The following EPB41L3 variants were observed in gnomAD, a reference collection of about 807,000 sequenced individuals.
The protein encoded by EPB41L3 is band 4.1-like protein 3.
EPB41L3 carries 57 observed loss-of-function variants against 127.1 expected under a neutral mutation model. The observed-to-expected ratio is 0.45, with a 90% CI of 0.36 to 0.56. EPB41L3 has a LOEUF of 0.56. EPB41L3 is among the 20% of genes least tolerant of loss of function. EPB41L3 has a pLI of 0.00. For synonymous variants in EPB41L3, 572 were observed against 549.5 expected (o/e 1.04, Z -0.57); for missense variants, 1,273 against 1,372.2 (o/e 0.93, Z 1.14).
chr18:5,506,358 T>G (rs541712869), intron 1 of EPB41L3, among the ~76,000 whole-genome samples: 5 of 152,300 alleles, frequency 3.3e-5, no homozygotes, highest in African/African-American at 1.2e-4. Context: ...CATCTACTTC[T>G]GTTCCCTTCT....
In EPB41L3 at chr18:5,424,096, A is replaced by C. The variant is rs138542100; in HGVS notation, c.1163+166T>G. 3.8e-4 allele frequency among the ~76,000 whole-genome samples: 58 copies of C among 152,314 alleles called. No homozygotes were observed. The East Asian group carries it at 0.011, about 28-fold the overall frequency. ...TGACAAATTAGGGAAAATCCTTCAA[A>C]TTTAGTCTTTTTCTAGTTCTCTTAG... On this transcript the variant is annotated intron_variant, in intron 10 of 22. Transcript: ENST00000341928.
At chr18:5,401,152 T>A (rs1321791966) in intron 16 of EPB41L3, 1 of 492,830 alleles carries the variant, frequency 2.0e-6, no homozygotes, top group Admixed American at 3.3e-5. Context: ...ATCTATCATC[T>A]CATATATTCT....
At chr18:5,505,705 C>T (rs1568447521) in intron 1 of EPB41L3, among the ~76,000 whole-genome samples, 1 of 138,100 alleles carries the variant, frequency 7.2e-6, no homozygotes, top group Non-Finnish European at 1.6e-5. Flanking sequence ...CACCCCTTCC[C>T]TCCACACCTT....
At chr18:5,537,230 GAC>G (rs1232046252) in intron 1 of EPB41L3, among the ~76,000 whole-genome samples, 2 of 152,150 alleles carry the variant, frequency 1.3e-5, no homozygotes, top group African/African-American at 4.8e-5. Context: ...TGTATTGTTA[GAC>G]TATATTTTAA....
intron 1 of EPB41L3, among the ~76,000 whole-genome samples, chr18:5,533,927 G>T (rs1480325723): frequency 6.6e-6 from 1 of 152,224 alleles, no homozygotes; most frequent in East Asian, 1.9e-4. Context: ...CACTTTGGGA[G>T]GCTGAGATGG....
At chr18:5,492,594 C>T (rs754931381) in intron 1 of EPB41L3, among the ~76,000 whole-genome samples, 42 of 152,248 alleles carry the variant, frequency 2.8e-4, no homozygotes, top group African/African-American at 8.9e-4. Flanking sequence ...TCACTTTGCA[C>T]GAAACTATCT....
chr18:5,486,612 A>C (rs1416965931), intron 2 of EPB41L3, among the ~76,000 whole-genome samples: 1 of 152,196 alleles, frequency 6.6e-6, no homozygotes, highest in Non-Finnish European at 1.5e-5. Flanking sequence ...ACAATATCTA[A>C]GGAACTCAAA....
At chr18:5,494,855 C>A (rs1167283205) in intron 1 of EPB41L3, among the ~76,000 whole-genome samples, 1 of 152,046 alleles carries the variant, frequency 6.6e-6, no homozygotes, top group South Asian at 2.1e-4. Flanking sequence ...GGATTGAGAG[C>A]GAGACGGACA....
At chr18:5,534,617 A>T (rs2093513922) in intron 1 of EPB41L3, among the ~76,000 whole-genome samples, 1 of 152,192 alleles carries the variant, frequency 6.6e-6, no homozygotes, top group Non-Finnish European at 1.5e-5. Flanking sequence ...CTTTTGGATT[A>T]CGGGTTTTGT....
chr18:5,475,197 G>A (rs1024639981), intron 3 of EPB41L3, among the ~76,000 whole-genome samples: 1 of 152,066 alleles, frequency 6.6e-6, no homozygotes, highest in Non-Finnish European at 1.5e-5. Flanking sequence ...AAAGTCCATT[G>A]TTCGTATTAT....
chr18:5,512,322 C>T (rs1462408494), intron 1 of EPB41L3, among the ~76,000 whole-genome samples: 1 of 152,164 alleles, frequency 6.6e-6, no homozygotes, highest in Non-Finnish European at 1.5e-5. Context: ...GGGCACTCAA[C>T]CTTGACTGGG....
chr18:5,398,731 C>T (rs1483180443), intron 16 of EPB41L3: 7 of 399,354 alleles, frequency 1.8e-5, no homozygotes, highest in Admixed American at 4.4e-5. Context: ...TATCTCCATT[C>T]GGACAGGCTC....
intron 19 of EPB41L3, among the ~76,000 whole-genome samples, 183 bp from the exon 20 acceptor site, chr18:5,395,890 T>TA (rs1194767802): frequency 1.3e-5 from 2 of 152,120 alleles, no homozygotes; most frequent in African/African-American, 2.4e-5. Flanking sequence ...TAACTGTCAT[T>TA]AAAAAAACTA....
In EPB41L3 at chr18:5,416,371, C is replaced by T; in HGVS notation, c.1514G>A (p.Gly505Glu). ...CAAGGGACATGAGTCAGTGCCAAGCCCAGGTGACTGATGTGAAAGAGACAG... is the reference window on the plus strand; with the variant it reads ...CAAGGGACATGAGTCAGTGCCAAGCTCAGGTGACTGATGTGAAAGAGACAG... Reference protein sequence around the residue: ...SAIRHEGKSPGLGTDSCPLSP... With the variant: ...SAIRHEGKSPELGTDSCPLSP... The change falls in exon 13 of 23, where the codon GGG becomes GAG. Residue 505 changes from glycine (G) to glutamate (E), a missense_variant. By Grantham distance (98) the Gly-to-Glu change is moderately conservative. Around this residue, in one of 3 missense-constraint regions of EPB41L3, gnomAD observed 765 missense variants for 782.9 expected, o/e 0.98. Coordinates refer to ENST00000341928, the MANE Select transcript of EPB41L3 (RefSeq NM_012307.5). 6.2e-7 allele frequency: 1 copy of T among 1,610,668 alleles called. No homozygotes were observed. Among genetic ancestry groups the T allele is most frequent in the Non-Finnish European group, 8.5e-7 (1 of 1,178,100 alleles).
At chr18:5,582,434 A>T (rs1210458705) in intron 3 of EPB41L3, among the ~76,000 whole-genome samples, 1 of 152,242 alleles carries the variant, frequency 6.6e-6, no homozygotes, top group Non-Finnish European at 1.5e-5. Context: ...TGTGATTTAA[A>T]TATTTATCTC....
intron 3 of EPB41L3, among the ~76,000 whole-genome samples, chr18:5,468,261 TGGTGACAGGAGGCC>T (rs1017185331): frequency 1.3e-5 from 2 of 152,010 alleles, no homozygotes; most frequent in African/African-American, 4.8e-5. Context: ...GACATGTAGA[TGGTGACAGGAGGCC>T]GGCAGGCTCC....
intron 9 of EPB41L3, among the ~76,000 whole-genome samples, chr18:5,426,397 C>T (rs2078189875): frequency 6.6e-6 from 1 of 152,170 alleles, no homozygotes; most frequent in Admixed American, 6.5e-5. Flanking sequence ...ATTACTTCCT[C>T]TATCCTGTCT....
intron 14 of EPB41L3, 46 bp downstream of exon 14, chr18:5,410,520 C>G (rs1273010142): frequency 6.9e-7 from 1 of 1,446,298 alleles, no homozygotes; most frequent in Non-Finnish European, 9.7e-7. Flanking sequence ...CCCCACAAGG[C>G]ATTTTCGGTA....
At chr18:5,468,390 G>C (rs1484845464) in intron 3 of EPB41L3, among the ~76,000 whole-genome samples, 1 of 152,174 alleles carries the variant, frequency 6.6e-6, no homozygotes, top group African/African-American at 2.4e-5. Flanking sequence ...GCGGCCCCCT[G>C]AGTGATAACT....
Sources: gnomAD v4.1 joint callset for allele counts (sites outside exome capture counted in the v4.1 genomes callset) on GRCh38, gnomAD v4.1.1 for gene constraint, gnomAD v4.1.1 regional missense constraint, MANE v1.5 for transcripts, NCBI Gene and HGNC (gene_info 2026-07-23, HGNC 2026-07-21) for gene names.